Variants in MICAL3 observed in about 807,000 individuals in gnomAD.
MICAL3 encodes microtubule associated monooxygenase, calponin and LIM domain containing 3.
Under a neutral mutation model 207.4 loss-of-function variants are expected in MICAL3, and 62 were observed. The observed-to-expected ratio is 0.30, with a 90% CI of 0.24 to 0.37. The LOEUF (loss-of-function observed/expected upper bound fraction) is 0.37. MICAL3 is among the 10% of genes least tolerant of loss of function. The pLI is 1.00. For missense variants in MICAL3, 2,368 were observed against 2,635.6 expected, an observed-to-expected ratio of 0.90 and a Z score of 2.22; for synonymous variants, 1,077 against 1,069.3, an observed-to-expected ratio of 1.01 and a Z score of -0.14.
chr22:17,956,752 T>C (rs1011870128), intron 1 of MICAL3, among the ~76,000 whole-genome samples: 6 of 152,118 alleles, frequency 3.9e-5, no homozygotes. Flanking sequence ...ACTGCTTACG[T>C]GCATACAGGG....
Position 17,899,554 on chromosome 22 carries a change from G to A in MICAL3, c.848-6C>T, listed in dbSNP as rs1569124117. 1 of 1,575,282 alleles carries A rather than the reference G, an allele frequency of 6.3e-7. No homozygotes were observed. The highest frequency in any genetic ancestry group is 8.7e-7 in the Non-Finnish European group (1 of 1,153,022). On this transcript the variant is annotated splice_polypyrimidine_tract_variant and splice_region_variant and intron_variant, in intron 6 of 31. Coordinates refer to ENST00000441493, the MANE Select transcript of MICAL3 (RefSeq NM_015241.3). ...GATGTTCTCCAAGTCAATACCTGGG[G>A]CCAGAAGACAAACGTGTGCATGTAA...
At chr22:17,943,888 TTTACCTTTTTCTA>T (rs753392740) in intron 1 of MICAL3, among the ~76,000 whole-genome samples, 2 of 152,138 alleles carry the variant, frequency 1.3e-5, no homozygotes, top group Non-Finnish European at 2.9e-5. Flanking sequence ...GAGTTTTTCT[TTTACCTTTTTCTA>T]CATCAAACTA....
chr22:17,899,583 T>A, intron 6 of MICAL3, 35 bp from the exon 7 acceptor site: 1 of 1,401,464 alleles, frequency 7.1e-7, no homozygotes, highest in South Asian at 1.2e-5. Context: ...CATGTAAGTT[T>A]GCTGAGATGA....
chr22:17,894,444 G>C (rs1193799041), intron 10 of MICAL3, among the ~76,000 whole-genome samples: 2 of 150,462 alleles, frequency 1.3e-5, no homozygotes, highest in Non-Finnish European at 3.0e-5. Flanking sequence ...TTAGTTACTC[G>C]GTCATGGAGG....
In MICAL3 at chr22:17,904,903, A is replaced by G. The variant is rs1311477360; in HGVS notation, c.265-64T>C. Reference sequence around the variant, plus strand: ...CAACAAACAATTCTCAAGAAGTCTCATGATTGTAAGATCATCACTCCCTAA... The same window carrying G: ...CAACAAACAATTCTCAAGAAGTCTCGTGATTGTAAGATCATCACTCCCTAA... On this transcript the variant is annotated intron_variant, in intron 2 of 31. Transcript: ENST00000441493. 1.1e-5 allele frequency: 14 copies of G among 1,220,144 alleles called. No individual in the cohort carries two copies. In the East Asian group the frequency reaches 2.6e-4, roughly 23 times the overall value. 75.6% of individuals were successfully genotyped at this position (1,220,144 alleles called of 1,614,324 possible).
At chr22:17,925,914 A>G (rs975362041) in intron 1 of MICAL3, among the ~76,000 whole-genome samples, 2 of 152,208 alleles carry the variant, frequency 1.3e-5, no homozygotes, top group African/African-American at 2.4e-5. Flanking sequence ...GTACAAAATG[A>G]CAGGCTGTGA....
Position 17,796,339 on chromosome 22 carries a change from C to T in MICAL3, c.5651-5038G>A, listed in dbSNP as rs1055380735. Among the ~76,000 whole-genome samples the T allele has an allele frequency of 9.9e-5, 15 of 152,236 alleles. No homozygotes were observed. Among genetic ancestry groups the T allele is most frequent in the Admixed American group, 7.8e-4 (12 of 15,290 alleles). On this transcript the variant is annotated intron_variant, in intron 29 of 31. Coordinates refer to ENST00000441493, the MANE Select transcript of MICAL3 (RefSeq NM_015241.3). The surrounding 1 kb of genome is among the most constrained non-coding windows in gnomAD (Gnocchi z 4.4). ...CCTGTCACCAAATTTCAAAAAGCAA[C>T]AGTACACCACCAGGGAGTGAGGCCT...
intron 1 of MICAL3, among the ~76,000 whole-genome samples, chr22:17,923,253 AG>A (rs34889597): frequency 1.3e-5 from 2 of 152,160 alleles, no homozygotes; most frequent in Non-Finnish European, 2.9e-5. Context: ...CCCTTGCCCT[AG>A]GGGTGACCCT....
At chr22:17,875,481 C>A in intron 16 of MICAL3, 2 of 1,547,896 alleles carry the variant, frequency 1.3e-6, no homozygotes, top group Non-Finnish European at 1.7e-6. Context: ...AGAGGCGGGG[C>A]GGGCAGAGGA....
intron 29 of MICAL3, among the ~76,000 whole-genome samples, chr22:17,797,172 G>T (rs534910891): frequency 6.6e-6 from 1 of 152,316 alleles, no homozygotes; most frequent in South Asian, 2.1e-4. Flanking sequence ...GGGAGCAGAG[G>T]CTTGAGTGCC....
intron 29 of MICAL3, among the ~76,000 whole-genome samples, chr22:17,807,327 C>T (rs572338237): frequency 1.3e-5 from 2 of 152,314 alleles, no homozygotes; most frequent in Non-Finnish European, 2.9e-5. Flanking sequence ...AATCAGAGTG[C>T]GCAGAGCAGG....
At chr22:17,874,503 T>C (rs1161832068) in intron 16 of MICAL3, among the ~76,000 whole-genome samples, 1 of 152,086 alleles carries the variant, frequency 6.6e-6, no homozygotes, top group African/African-American at 2.4e-5. Context: ...CTAAACCATC[T>C]GGGTTTAGTT....
At chr22:17,846,763 A>C (rs927985409) in intron 19 of MICAL3, among the ~76,000 whole-genome samples, 31 of 152,206 alleles carry the variant, frequency 2.0e-4, no homozygotes, top group Admixed American at 2.0e-3. Flanking sequence ...GGGATGAAAG[A>C]TCTGCAATAA....
chr22:17,900,499 G>A lies in MICAL3; in HGVS notation c.847+343C>T, dbSNP rs183755021. Among the ~76,000 whole-genome samples the A allele has an allele frequency of 8.5e-5, 13 of 152,292 alleles. No individual in the cohort carries two copies. In the East Asian group the frequency reaches 2.3e-3, roughly 27 times the overall value. On this transcript the variant is annotated intron_variant, in intron 6 of 31. Coordinates refer to ENST00000441493, the MANE Select transcript of MICAL3 (RefSeq NM_015241.3). This position sits in a 1 kb window ranked among gnomAD's most constrained non-coding sequence, Gnocchi z 4.0. ...TGCCTGTAGTCCCAGCTACTCAGGA[G>A]GCTGAGATGGGAGGATCACTTGAGC...
At chr22:17,886,929 A>G (rs1929930684) in intron 15 of MICAL3, among the ~76,000 whole-genome samples, 1 of 130,770 alleles carries the variant, frequency 7.6e-6, no homozygotes, top group Non-Finnish European at 1.6e-5. Context: ...TGGAGGTTGC[A>G]GTGAGCCCAG....
chr22:17,813,933 AG>A (rs1179740480), intron 27 of MICAL3: 2 of 152,264 alleles, frequency 1.3e-5, no homozygotes, highest in African/African-American at 4.8e-5. Flanking sequence ...TCTCTCTTGT[AG>A]GTCGGGCTAC....
intron 29 of MICAL3, among the ~76,000 whole-genome samples, chr22:17,802,139 T>C (rs577200759): frequency 1.9e-4 from 29 of 151,860 alleles, no homozygotes; most frequent in Non-Finnish European, 3.4e-4. Context: ...CACAGCTCAC[T>C]GCAGCCTCAA....
intron 1 of MICAL3, among the ~76,000 whole-genome samples, chr22:17,941,544 G>A (rs908002018): frequency 6.6e-6 from 1 of 152,214 alleles, no homozygotes; most frequent in Admixed American, 6.5e-5. Context: ...GAAACAGGTT[G>A]AGCTTCAAAT....
intron 1 of MICAL3, among the ~76,000 whole-genome samples, chr22:17,912,862 T>C (rs756308677): frequency 1.3e-5 from 2 of 152,220 alleles, no homozygotes; most frequent in Admixed American, 6.5e-5. Flanking sequence ...CAGGATTATG[T>C]TGGATAGAAG....
Sources: allele counts gnomAD v4.1 joint callset (sites outside exome capture counted in the v4.1 genomes callset), GRCh38; gene constraint gnomAD v4.1.1; non-coding constraint Gnocchi (gnomAD v3.1); transcripts MANE v1.5; gene names NCBI Gene and HGNC (gene_info 2026-07-23, HGNC 2026-07-21).